ZSCAN25: variants seen among roughly 807,000 people sequenced by gnomAD.
The protein encoded by ZSCAN25 is zinc finger and SCAN domain-containing protein 25.
In ZSCAN25, 27 loss-of-function variants were observed where a neutral mutation model predicts 38.7. That is an observed-to-expected ratio of 0.70 (90% CI 0.51 to 0.96). The LOEUF is 0.96. Among genes scored for constraint, ZSCAN25 ranks in the 40% least tolerant of loss-of-function variants. The probability of loss-of-function intolerance (pLI) is 0.00; values close to 1 mark genes in which losing one functional copy is unlikely to be tolerated. For synonymous variants in ZSCAN25, 273 were observed against 277.7 expected, an observed-to-expected ratio of 0.98 and a Z score of 0.17; for missense variants, 637 against 705.9, an observed-to-expected ratio of 0.90 and a Z score of 1.11.
the ZSCAN25 span, among the ~76,000 whole-genome samples, chr7:99,693,428 A>C: frequency 6.6e-5 from 10 of 152,202 alleles, no homozygotes; most frequent in Non-Finnish European, 1.3e-4. Context: ...TGCTCTCTTC[A>C]GAGCTGTCAG....
At chr7:99,729,860 C>T in the ZSCAN25 span, among the ~76,000 whole-genome samples, 2 of 152,220 alleles carry the variant, frequency 1.3e-5, no homozygotes, top group African/African-American at 4.8e-5. Context: ...AGTTGGCCTG[C>T]ACCCAAGTGA....
the ZSCAN25 span, among the ~76,000 whole-genome samples, chr7:99,690,867 T>G: frequency 2.6e-5 from 4 of 152,196 alleles, no homozygotes; most frequent in Admixed American, 2.0e-4. Flanking sequence ...AGTTCAACCA[T>G]TGTGGAAGTC....
the ZSCAN25 span, chr7:99,648,141 A>G: frequency 7.3e-7 from 1 of 1,370,812 alleles, no homozygotes; most frequent in Non-Finnish European, 9.5e-7. Flanking sequence ...AACACTCTAC[A>G]CAGACTCTGG....
chr7:99,712,226 C>T, the ZSCAN25 span, among the ~76,000 whole-genome samples: 423 of 152,174 alleles, frequency 2.8e-3, 2 homozygotes, highest in Middle Eastern at 0.01. Flanking sequence ...AAAACCAATA[C>T]GAAAGGAGTG....
chr7:99,686,202 C>A, the ZSCAN25 span, among the ~76,000 whole-genome samples: 2 of 152,160 alleles, frequency 1.3e-5, no homozygotes, highest in African/African-American at 4.8e-5. Flanking sequence ...CGAAGCAGGG[C>A]GAGGCATTGC....
the ZSCAN25 span, chr7:99,664,235 C>T: frequency 1.2e-6 from 1 of 810,194 alleles, no homozygotes; most frequent in Non-Finnish European, 1.9e-6. Flanking sequence ...ATCATGTTTG[C>T]CCTTCTTTCA....
At chr7:99,725,298 G>GA in the ZSCAN25 span, among the ~76,000 whole-genome samples, 10 of 152,070 alleles carry the variant, frequency 6.6e-5, no homozygotes, top group East Asian at 1.9e-4. Flanking sequence ...CCTGACATTA[G>GA]AAAAAATCTC....
At chr7:99,638,834 C>CGCT in the ZSCAN25 span, 2 of 675,974 alleles carry the variant, frequency 3.0e-6, no homozygotes, top group Non-Finnish European at 5.3e-6. Flanking sequence ...ACGCCGCCGC[C>CGCT]GCTGCGAAAC....
intron 7 of ZSCAN25, among the ~76,000 whole-genome samples, chr7:99,627,727 T>A (rs1474686075): frequency 6.6e-6 from 1 of 150,690 alleles, no homozygotes; most frequent in African/African-American, 2.5e-5. Context: ...TACGTATATC[T>A]CGTATATGCT....
the ZSCAN25 span, among the ~76,000 whole-genome samples, chr7:99,673,636 T>C: frequency 0.031 from 4,702 of 152,336 alleles, 228 homozygotes; most frequent in African/African-American, 0.1. Flanking sequence ...CTATTATCTC[T>C]CAACCCTTCT....
the ZSCAN25 span, chr7:99,710,993 A>T: frequency 4.4e-6 from 7 of 1,580,918 alleles, no homozygotes; most frequent in Non-Finnish European, 5.2e-6. Flanking sequence ...TCCCCAGGGG[A>T]AAAAATAGAA....
chr7:99,661,418 A>G, the ZSCAN25 span, among the ~76,000 whole-genome samples: 3 of 152,238 alleles, frequency 2.0e-5, no homozygotes, highest in Admixed American at 2.0e-4. Context: ...GGACTATCTC[A>G]GGATGTACAA....
the ZSCAN25 span, chr7:99,664,065 T>TC: frequency 3.1e-6 from 5 of 1,594,378 alleles, no homozygotes; most frequent in Admixed American, 1.9e-5. Flanking sequence ...ATTTAATGCT[T>TC]CAAAAACTGG....
the ZSCAN25 span, among the ~76,000 whole-genome samples, chr7:99,651,499 G>A: frequency 6.6e-6 from 1 of 152,078 alleles, no homozygotes. Context: ...AAACATAGAA[G>A]TCCTCTACTC....
At chr7:99,660,214 CTTTTTTTTTTTTTTTTT>C in the ZSCAN25 span, 925 of 429,968 alleles carry the variant, frequency 2.2e-3, 6 homozygotes, top group African/African-American at 0.041. Flanking sequence ...CGCCACACTC[CTTTTTTTTTTTTTTTTT>C]TTTTTTTTTT....
the ZSCAN25 span, among the ~76,000 whole-genome samples, chr7:99,675,310 A>AAAGAAG: frequency 2.0e-5 from 3 of 152,206 alleles, no homozygotes; most frequent in Admixed American, 2.0e-4. Context: ...TAACCATGCA[A>AAAGAAG]AAGAAGGTCC....
At chr7:99,709,977 CAA>C in the ZSCAN25 span, among the ~76,000 whole-genome samples, 10 of 152,080 alleles carry the variant, frequency 6.6e-5, no homozygotes, top group Non-Finnish European at 1.3e-4. Context: ...CAGTGCCAGG[CAA>C]AGTTATGAAA....
rs374355065 is a variant in ZSCAN25 at position 99,627,282 on chromosome 7, A to G, written c.806-1909A>G. ...TAAACATAAATTCGATATATGTAACATCTAGTGCATAGTCAGCTTTCCCCA... is the reference window on the plus strand; with the variant it reads ...TAAACATAAATTCGATATATGTAACGTCTAGTGCATAGTCAGCTTTCCCCA... On this transcript the variant is annotated intron_variant, in intron 7 of 7. Transcript: ENST00000394152. Among the ~76,000 whole-genome samples, 10 of 152,348 alleles carry G rather than the reference A, an allele frequency of 6.6e-5. No homozygotes were observed. The East Asian group carries it at 1.7e-3, about 26-fold the overall frequency.
chr7:99,638,822 C>A, the ZSCAN25 span: 2 of 723,660 alleles, frequency 2.8e-6, no homozygotes, highest in Non-Finnish European at 4.9e-6. Flanking sequence ...CCTCAGCCAA[C>A]AACGCCGCCG....
Sources: gnomAD v4.1 joint callset for allele counts (sites outside exome capture counted in the v4.1 genomes callset) on GRCh38, gnomAD v4.1.1 for gene constraint, MANE v1.5 for transcripts, NCBI Gene and HGNC (gene_info 2026-07-23, HGNC 2026-07-21) for gene names.